TMEM138: variants seen among roughly 807,000 people sequenced by gnomAD.
TMEM138 encodes transmembrane protein 138.
Under a neutral mutation model 18.1 loss-of-function variants are expected in TMEM138, and 9 were observed. The ratio of observed to expected loss-of-function variants is 0.50; its 90% CI spans 0.30 to 0.87. TMEM138 has a LOEUF of 0.87. TMEM138 is among the 40% of genes least tolerant of loss of function. The pLI is 0.06. For missense variants in TMEM138, 189 were observed against 190.6 expected (o/e 0.99, Z 0.05); for synonymous variants, 79 against 74.8 (o/e 1.06, Z -0.29).
intron 4 of TMEM138, 63 bp downstream of exon 4, chr11:61,368,061 C>A (rs751151879): frequency 8.6e-7 from 1 of 1,165,410 alleles, no homozygotes; most frequent in Non-Finnish European, 1.3e-6. Flanking sequence ...CAGTGAGGGC[C>A]TTGATGCTGG....
chr11:61,366,410 C>G lies in TMEM138; in HGVS notation c.300+194C>G, dbSNP rs772048322. On this transcript the variant is annotated intron_variant, in intron 3 of 4. Transcript: ENST00000278826. ...ACAGGCATGAGTCACTGTGCCCGGC[C>G]TGAACTCTGAATTCCTGAATCGCTA... is the stretch of plus-strand genomic sequence containing the variant. 4 of 543,802 alleles carry G rather than the reference C, an allele frequency of 7.4e-6. No individual in the cohort carries two copies. In the African/African-American group the frequency reaches 8.1e-5, roughly 11 times the overall value. 33.7% of individuals were successfully genotyped at this position (543,802 alleles called of 1,614,324 possible). A position where few individuals can be genotyped will look rare whatever the true frequency, so the allele number is the denominator to read the frequency against.
At chr11:61,366,267 T>C in intron 3 of TMEM138, 51 bp downstream of exon 3, 1 of 1,574,606 alleles carries the variant, frequency 6.4e-7, no homozygotes, top group Non-Finnish European at 8.6e-7. Context: ...TAAATAGAGG[T>C]GGGGTCTTAC....
intron 3 of TMEM138, chr11:61,367,676 C>T: frequency 2.2e-6 from 1 of 444,846 alleles, no homozygotes; most frequent in Non-Finnish European, 4.1e-6. Context: ...TTCTCCTTGG[C>T]AAAGGTTATG....
At position 61,364,254 on chromosome 11, in the gene TMEM138, G is replaced by A. The variant is rs1858055040; in HGVS notation, c.-137G>A. The A allele has an allele frequency of 9.7e-7, 1 of 1,033,330 alleles. No individual in the cohort carries two copies. Among genetic ancestry groups the A allele is most frequent in the Non-Finnish European group, 1.4e-6 (1 of 710,162 alleles). 64.0% of individuals were successfully genotyped at this position (1,033,330 alleles called of 1,614,324 possible). A position where few individuals can be genotyped will look rare whatever the true frequency, so the allele number is the denominator to read the frequency against. The stretch of plus-strand genomic sequence containing the variant: ...TGCTTATCTTTTTGCTCCAACAGGT[G>A]CTTGCCTTAGAGCAAGGGAAACAGC... On this transcript the variant is annotated splice_region_variant and 5_prime_UTR_variant, in exon 2 of 5. Coordinates refer to ENST00000278826, the MANE Select transcript of TMEM138 (RefSeq NM_016464.5).
At position 61,368,713 on chromosome 11, in the gene TMEM138, C is replaced by G. The variant is rs752827470; in HGVS notation, c.*4C>G. On this transcript the variant is annotated 3_prime_UTR_variant, in exon 5 of 5. Transcript: ENST00000278826. ...GTTCATGCAAGTTCGAAGGTGACCTCTTGTCACACTGATGGATACTTTTCC... is the reference window on the plus strand; with the variant it reads ...GTTCATGCAAGTTCGAAGGTGACCTGTTGTCACACTGATGGATACTTTTCC... 3.7e-6 allele frequency: 6 copies of G among 1,604,884 alleles called. No homozygotes were observed. The South Asian group carries it at 6.6e-5, about 18-fold the overall frequency.
chr11:61,368,066 T>G, intron 4 of TMEM138, 68 bp downstream of exon 4: 1 of 1,115,384 alleles, frequency 9.0e-7, no homozygotes, highest in Non-Finnish European at 1.4e-6. Flanking sequence ...AGGGCCTTGA[T>G]GCTGGCTTCC....
At chr11:61,364,600 A>G (rs1858071017) in intron 2 of TMEM138, 82 bp downstream of exon 2, 1 of 1,576,028 alleles carries the variant, frequency 6.3e-7, no homozygotes. Flanking sequence ...TCTTAAAGTT[A>G]TTAGTAGGCT....
intron 2 of TMEM138, among the ~76,000 whole-genome samples, chr11:61,365,258 A>G (rs1414882214): frequency 3.9e-5 from 6 of 151,906 alleles, no homozygotes; most frequent in Non-Finnish European, 5.9e-5. Context: ...CTATTAAAAC[A>G]TAATTTTATT....
Position 61,364,336 on chromosome 11 carries a change from G to A in TMEM138, c.-55G>A, listed in dbSNP as rs555405590. ...CAGTGGTAGGGAGACAGCCAGGAGC[G>A]GTTTTCTGGGAACTGTGGGATGTGC... On this transcript the variant is annotated 5_prime_UTR_variant, in exon 2 of 5. Transcript: ENST00000278826. 279 of 1,599,380 alleles carry A rather than the reference G, an allele frequency of 1.7e-4. 2 individuals carry two copies. In the South Asian group the frequency reaches 2.1e-3, roughly 12 times the overall value.
Position 61,367,936 on chromosome 11 carries a change from A to G in TMEM138, c.314A>G (p.Lys105Arg). Residue 105 changes from lysine to arginine, a missense_variant, in exon 4 of 5, where the codon AAA (lysine) becomes AGA (arginine). Transcript: ENST00000278826. ...LHVWVMNLRW[K>R]NSNSFIWTDG... ...CATCTCCTTCAGAACTTACGCTGGA[A>G]AAACTCCAACAGCTTCATATGGACA... 6.2e-7 allele frequency: 1 copy of G among 1,612,912 alleles called. No individual in the cohort carries two copies. The highest frequency in any genetic ancestry group is 8.5e-7 in the Non-Finnish European group (1 of 1,178,928).
chr11:61,366,307 G>A, intron 3 of TMEM138, 91 bp downstream of exon 3: 4 of 1,407,168 alleles, frequency 2.8e-6, no homozygotes, highest in Non-Finnish European at 3.8e-6. Flanking sequence ...TCAAACTCCT[G>A]AGCTCAAGCA....
In TMEM138 at chr11:61,367,925, CTTACGCTGGAAA is replaced by C. The variant is rs1267165040; in HGVS notation, c.304_315del (p.Leu102_Lys105del). 1.9e-6 allele frequency: 3 copies of C among 1,610,250 alleles called. No individual in the cohort carries two copies. In the African/African-American group the frequency reaches 4.0e-5, roughly 21 times the overall value. ...TGTGTATCTCACATCTCCTTCAGAA[CTTACGCTGGAAA>C]AACTCCAACAGCTTCATATGGACAG... On this transcript the variant is annotated inframe_deletion, in exon 4 of 5. Coordinates refer to ENST00000278826, the MANE Select transcript of TMEM138 (RefSeq NM_016464.5).
At chr11:61,371,073 T>G (rs1858330178), downstream of TMEM138, among the ~76,000 whole-genome samples, 1 of 152,212 alleles carries the variant, frequency 6.6e-6, no homozygotes, top group South Asian at 2.1e-4. Flanking sequence ...TCTAGCTCTG[T>G]CACCAGGCTG....
downstream of TMEM138, among the ~76,000 whole-genome samples, chr11:61,374,619 G>C (rs1858411187): frequency 6.6e-6 from 1 of 152,080 alleles, no homozygotes; most frequent in African/African-American, 2.4e-5. Context: ...TTGTTGTTTT[G>C]CTTTGGTCCT....
intron 4 of TMEM138, chr11:61,368,211 T>C: frequency 1.5e-6 from 1 of 670,902 alleles, no homozygotes; most frequent in Non-Finnish European, 2.7e-6. Context: ...GTTCTGTTCT[T>C]TTTGTTTGTT....
At chr11:61,367,861 A>G (rs1212294009) in intron 3 of TMEM138, 62 bp from the exon 4 acceptor site, 16 of 1,041,728 alleles carry the variant, frequency 1.5e-5, no homozygotes, top group Non-Finnish European at 2.4e-5. Flanking sequence ...GCAGCTAACC[A>G]AGTTGGAGAC....
rs1730584463 is a variant in TMEM138 at position 61,368,939 on chromosome 11, C to G, written c.*230C>G. On this transcript the variant is annotated 3_prime_UTR_variant, in exon 5 of 5. Transcript: ENST00000278826. ...TTGCCTTCTACCTCTGTTCCACCCCCTTTCCTTCCTTTCCTCTCTGTACCA... is the reference window on the plus strand; with the variant it reads ...TTGCCTTCTACCTCTGTTCCACCCCGTTTCCTTCCTTTCCTCTCTGTACCA... 1.9e-6 allele frequency: 1 copy of G among 527,020 alleles called. No individual in the cohort carries two copies. Among genetic ancestry groups the G allele is most frequent in the Non-Finnish European group, 3.4e-6 (1 of 290,158 alleles). 32.6% of individuals were successfully genotyped at this position (527,020 alleles called of 1,614,324 possible).
rs777395678 is a variant in TMEM138 at position 61,364,415 on chromosome 11, C to G, written c.25C>G (p.Leu9Val). The G allele has an allele frequency of 3.7e-6, 6 of 1,614,074 alleles. No homozygotes were observed. Among genetic ancestry groups the G allele is most frequent in the Non-Finnish European group, 5.1e-6 (6 of 1,180,030 alleles). MLQTSNYS[L>V]VLSLQFLLLS... ...GATGCTCCAGACCAGTAACTACAGC[C>G]TGGTGCTCTCTCTGCAGTTCCTGCT... Residue 9 changes from leucine to valine, a missense_variant, in exon 2 of 5, where the codon CTG (leucine) becomes GTG (valine). Coordinates refer to ENST00000278826, the MANE Select transcript of TMEM138 (RefSeq NM_016464.5).
chr11:61,365,412 T>C (rs1306166727), intron 2 of TMEM138, among the ~76,000 whole-genome samples: 1 of 151,884 alleles, frequency 6.6e-6, no homozygotes, highest in African/African-American at 2.4e-5. Context: ...AGGTGTGCGC[T>C]ACCACACCCC....
Sources: gnomAD v4.1 joint callset for allele counts (sites outside exome capture counted in the v4.1 genomes callset) on GRCh38, gnomAD v4.1.1 for gene constraint, MANE v1.5 for transcripts, NCBI Gene and HGNC (gene_info 2026-07-23, HGNC 2026-07-21) for gene names.